AP3B1: variants seen among roughly 807,000 people sequenced by gnomAD.
AP3B1 encodes adaptor related protein complex 3 subunit beta 1.
AP3B1 carries 61 observed loss-of-function variants against 132.5 expected under a neutral mutation model. The observed-to-expected ratio is 0.46, with a 90% CI of 0.37 to 0.57. AP3B1 has a LOEUF of 0.57. Among genes scored for constraint, AP3B1 ranks in the 20% least tolerant of loss-of-function variants. The pLI is 0.00. For missense variants in AP3B1, 1,120 were observed against 1,289.4 expected, an observed-to-expected ratio of 0.87 and a Z score of 2.01; for synonymous variants, 388 against 438.3, an observed-to-expected ratio of 0.89 and a Z score of 1.43.
chr5:78,019,904 A>C (rs1367980706), intron 25 of AP3B1, among the ~76,000 whole-genome samples: 1 of 152,136 alleles, frequency 6.6e-6, no homozygotes, highest in African/African-American at 2.4e-5. Context: ...CTCCACAGGA[A>C]AAAATGGCTT....
chr5:78,034,300 T>G, intron 24 of AP3B1, 61 bp downstream of exon 24: 1 of 1,280,760 alleles, frequency 7.8e-7, no homozygotes, highest in South Asian at 1.2e-5. Flanking sequence ...GTTGAAAGCT[T>G]AGTTTTTGAT....
chr5:78,041,427 A>G (rs1458009994), intron 22 of AP3B1, among the ~76,000 whole-genome samples: 1 of 151,354 alleles, frequency 6.6e-6, no homozygotes. Context: ...GGTGTGGTGC[A>G]TTGCGCCTGT....
At chr5:78,163,819 T>G (rs1743498974) in intron 12 of AP3B1, among the ~76,000 whole-genome samples, 1 of 151,846 alleles carries the variant, frequency 6.6e-6, no homozygotes, top group South Asian at 2.1e-4. Context: ...AAGCTTCTAT[T>G]GTTTACAGAA....
chr5:78,163,779 C>A (rs956707094), intron 12 of AP3B1, among the ~76,000 whole-genome samples: 3 of 151,516 alleles, frequency 2.0e-5, no homozygotes, highest in African/African-American at 7.3e-5. Context: ...TTTCACTTTG[C>A]TTAGAACCTT....
chr5:78,072,145 G>A (rs1749568249), intron 22 of AP3B1, among the ~76,000 whole-genome samples: 1 of 152,080 alleles, frequency 6.6e-6, no homozygotes, highest in Non-Finnish European at 1.5e-5. Flanking sequence ...TAGATACTGA[G>A]CACTAAATTT....
intron 6 of AP3B1, among the ~76,000 whole-genome samples, chr5:78,220,882 AC>A: frequency 6.6e-6 from 1 of 152,250 alleles, no homozygotes; most frequent in South Asian, 2.1e-4. Flanking sequence ...CCCCATCTTT[AC>A]AAAAAATTTT....
intron 8 of AP3B1, among the ~76,000 whole-genome samples, chr5:78,179,926 AT>A (rs771012132): frequency 2.6e-5 from 4 of 152,270 alleles, no homozygotes; most frequent in Middle Eastern, 6.8e-3. Flanking sequence ...CCCAAACAAA[AT>A]GGGACCAGAA....
intron 20 of AP3B1, among the ~76,000 whole-genome samples, chr5:78,103,794 C>T (rs1457161094): frequency 6.6e-6 from 1 of 151,942 alleles, no homozygotes; most frequent in Non-Finnish European, 1.5e-5. Context: ...AATACAAAGT[C>T]ACAGGGTCAA....
intron 2 of AP3B1, among the ~76,000 whole-genome samples, chr5:78,264,961 C>A (rs1033074377): frequency 6.6e-6 from 1 of 152,168 alleles, no homozygotes; most frequent in Non-Finnish European, 1.5e-5. Context: ...TTATTTATTT[C>A]TTTAAACTAT....
chr5:78,136,262 T>C (rs186601948), intron 15 of AP3B1, among the ~76,000 whole-genome samples: 36 of 152,282 alleles, frequency 2.4e-4, no homozygotes, highest in South Asian at 6.2e-4. Context: ...GCATTTTACA[T>C]GAACTGTTTC....
chr5:78,116,328 A>G, intron 17 of AP3B1, 94 bp from the exon 18 acceptor site: 1 of 1,050,830 alleles, frequency 9.5e-7, no homozygotes, highest in Non-Finnish European at 1.4e-6. Flanking sequence ...CTGAATTCAA[A>G]AGCAAGCTTA....
chr5:78,182,625 A>G (rs988665738), intron 7 of AP3B1, among the ~76,000 whole-genome samples: 5 of 152,162 alleles, frequency 3.3e-5, no homozygotes, highest in Non-Finnish European at 7.3e-5. Context: ...GAAAGAAACC[A>G]CCAGAACCGC....
chr5:78,073,930 T>A (rs539836847), intron 22 of AP3B1, among the ~76,000 whole-genome samples: 1 of 152,282 alleles, frequency 6.6e-6, no homozygotes, highest in East Asian at 1.9e-4. Flanking sequence ...TCTGTGTGCA[T>A]GTTTCCTTTG....
chr5:78,074,662 T>C (rs1203130375), intron 22 of AP3B1, among the ~76,000 whole-genome samples: 1 of 152,180 alleles, frequency 6.6e-6, no homozygotes, highest in Non-Finnish European at 1.5e-5. Flanking sequence ...TTAAAGATAG[T>C]TCTTCACCGG....
chr5:78,070,193 G>C (rs1321235997), intron 22 of AP3B1, among the ~76,000 whole-genome samples: 3 of 151,858 alleles, frequency 2.0e-5, no homozygotes, highest in African/African-American at 7.3e-5. Context: ...GATCACCTGA[G>C]GTCAGGAGTT....
chr5:78,153,832 A>T (rs538460601), intron 14 of AP3B1, among the ~76,000 whole-genome samples: 6 of 152,216 alleles, frequency 3.9e-5, no homozygotes, highest in Non-Finnish European at 7.4e-5. Flanking sequence ...TCAAGCAAAA[A>T]GGAAACTAAT....
intron 22 of AP3B1, among the ~76,000 whole-genome samples, chr5:78,070,060 A>G (rs1306309513): frequency 6.6e-6 from 1 of 152,156 alleles, no homozygotes; most frequent in Non-Finnish European, 1.5e-5. Flanking sequence ...CAGAAAATTG[A>G]TACTAGACCC....
chr5:78,066,592 A>G (rs1056637212), intron 22 of AP3B1, among the ~76,000 whole-genome samples: 4 of 152,238 alleles, frequency 2.6e-5, no homozygotes, highest in Admixed American at 1.3e-4. Context: ...TCTTGCTGAA[A>G]TAAGACAGGC....
intron 7 of AP3B1, among the ~76,000 whole-genome samples, chr5:78,209,572 T>C (rs1468793869): frequency 6.6e-6 from 1 of 152,208 alleles, no homozygotes; most frequent in Non-Finnish European, 1.5e-5. Flanking sequence ...ACTAATGTAT[T>C]ATGCCTCCCT....
Sources: allele counts gnomAD v4.1 joint callset (sites outside exome capture counted in the v4.1 genomes callset), GRCh38; gene constraint gnomAD v4.1.1; transcripts MANE v1.5; gene names NCBI Gene and HGNC (gene_info 2026-07-23, HGNC 2026-07-21).